Variants in ZNF521 observed in about 807,000 individuals in gnomAD.
ZNF521 encodes the protein zinc finger protein 521.
Under a neutral mutation model 105.5 loss-of-function variants are expected in ZNF521, and 14 were observed. The observed-to-expected ratio is 0.13, with a 90% CI of 0.09 to 0.21. ZNF521 has a LOEUF of 0.21. ZNF521 is among the 10% of genes least tolerant of loss of function. The probability of loss-of-function intolerance (pLI) is 1.00; values close to 1 mark genes in which losing one functional copy is unlikely to be tolerated. For missense variants in ZNF521, 1,233 were observed against 1,629.7 expected, an observed-to-expected ratio of 0.76 and a Z score of 4.19; for synonymous variants, 635 against 606.0, an observed-to-expected ratio of 1.05 and a Z score of -0.70.
chr18:25,102,567 C>T (rs1217320153), intron 5 of ZNF521, among the ~76,000 whole-genome samples: 2 of 151,726 alleles, frequency 1.3e-5, no homozygotes, highest in African/African-American at 2.4e-5. Context: ...TGCTCTGTTG[C>T]CCAGGCTAGA....
intron 7 of ZNF521, among the ~76,000 whole-genome samples, chr18:25,079,781 G>C (rs946813239): frequency 1.3e-5 from 2 of 152,160 alleles, no homozygotes; most frequent in African/African-American, 2.4e-5. Flanking sequence ...GTATGGGAGT[G>C]AAGTCTTGGT....
At chr18:25,141,492 G>A (rs527355210) in intron 5 of ZNF521, among the ~76,000 whole-genome samples, 2 of 152,176 alleles carry the variant, frequency 1.3e-5, no homozygotes, top group Non-Finnish European at 2.9e-5. Flanking sequence ...TGGTTCTAGA[G>A]TTCCCTTAGT....
Position 25,290,720 on chromosome 18 carries a change from C to T in ZNF521, c.220+31288G>A, listed in dbSNP as rs371899451. Among the ~76,000 whole-genome samples the T allele has an allele frequency of 4.7e-5, 7 of 149,798 alleles. No individual in the cohort carries two copies. The East Asian group carries it at 7.9e-4, about 17-fold the overall frequency. On this transcript the variant is annotated intron_variant, in intron 3 of 7. Transcript: ENST00000361524. ...CCACCTCCCGGGTTCAAGCAATTCT[C>T]GTGCCTCAGCCTCCTGAGTAGCTGG... is the stretch of plus-strand genomic sequence containing the variant.
At chr18:25,266,001 T>G (rs933130023) in intron 3 of ZNF521, among the ~76,000 whole-genome samples, 3 of 152,086 alleles carry the variant, frequency 2.0e-5, no homozygotes, top group Admixed American at 6.5e-5. Context: ...ATTGAACTCA[T>G]GAATACAGTG....
At chr18:25,216,032 G>A (rs967522709) in intron 4 of ZNF521, among the ~76,000 whole-genome samples, 32 of 152,152 alleles carry the variant, frequency 2.1e-4, no homozygotes, top group African/African-American at 7.2e-4. Flanking sequence ...TCTCTTTAGA[G>A]GGAGTTTAAC....
At chr18:25,080,566 A>G (rs2033471860) in intron 7 of ZNF521, among the ~76,000 whole-genome samples, 1 of 152,258 alleles carries the variant, frequency 6.6e-6, no homozygotes, top group Non-Finnish European at 1.5e-5. Flanking sequence ...GATCAAGAGC[A>G]GCCTATCAAT....
At chr18:25,126,017 C>T (rs891657426) in intron 5 of ZNF521, among the ~76,000 whole-genome samples, 8 of 151,984 alleles carry the variant, frequency 5.3e-5, no homozygotes, top group East Asian at 1.9e-4. Context: ...TGCCTTTATA[C>T]AGTTTTTAGT....
At chr18:25,281,984 C>G (rs1910410188) in intron 3 of ZNF521, among the ~76,000 whole-genome samples, 2 of 151,786 alleles carry the variant, frequency 1.3e-5, no homozygotes, top group Admixed American at 1.3e-4. Context: ...GCCTTTTGTT[C>G]AAAATAGGAT....
intron 5 of ZNF521, among the ~76,000 whole-genome samples, chr18:25,112,547 T>A (rs1420585225): frequency 6.6e-6 from 1 of 152,184 alleles, no homozygotes; most frequent in Non-Finnish European, 1.5e-5. Flanking sequence ...ATTGTGGCAA[T>A]TTAATAATAA....
intron 5 of ZNF521, among the ~76,000 whole-genome samples, chr18:25,148,206 C>A (rs1002968662): frequency 6.6e-6 from 1 of 152,174 alleles, no homozygotes; most frequent in African/African-American, 2.4e-5. Flanking sequence ...GGATTAAACA[C>A]TTGATTCAAT....
chr18:25,162,194 G>A (rs568794839), intron 5 of ZNF521, among the ~76,000 whole-genome samples: 5 of 152,114 alleles, frequency 3.3e-5, no homozygotes, highest in African/African-American at 1.2e-4. Context: ...GTTACAAATA[G>A]TCGTTTCAAT....
chr18:25,133,783 C>G (rs1054733620), intron 5 of ZNF521, among the ~76,000 whole-genome samples: 2 of 151,842 alleles, frequency 1.3e-5, no homozygotes, highest in Admixed American at 6.6e-5. Context: ...TTTCAACATT[C>G]TATTACTTAG....
chr18:25,289,434 A>G (rs149299551), intron 3 of ZNF521, among the ~76,000 whole-genome samples: 44 of 152,280 alleles, frequency 2.9e-4, no homozygotes, highest in African/African-American at 9.6e-4. Context: ...AAGAGGCATC[A>G]ATGAGGAAGG....
chr18:25,248,744 C>A (rs1907906985), intron 3 of ZNF521, among the ~76,000 whole-genome samples: 1 of 152,190 alleles, frequency 6.6e-6, no homozygotes, highest in South Asian at 2.1e-4. Context: ...TTCTGTCAGA[C>A]AGGGATACAA....
chr18:25,225,645 T>C lies in ZNF521; in HGVS notation c.2273A>G (p.Asn758Ser). The change falls in exon 4 of 8, where the codon AAC (asparagine) becomes AGC (serine). Residue 758 changes from asparagine to serine, a missense_variant. Asn to Ser is a conservative substitution (Grantham distance 46, BLOSUM62 1). Around this residue, in one of 6 missense-constraint regions of ZNF521, gnomAD observed 614 missense variants for 751.5 expected, o/e 0.82. Transcript: ENST00000361524. This position sits in a 1 kb window ranked among gnomAD's most constrained non-coding sequence, Gnocchi z 5.6. ...EKKVYRCTSC[N>S]WDFRNETDLQ... ...GTCAGTTTCGTTGCGGAAGTCCCAG[T>C]TGCAAGATGTGCACCTATAGACTTT... The C allele has an allele frequency of 6.2e-7, 1 of 1,614,204 alleles. No homozygotes were observed. The highest frequency in any genetic ancestry group is 8.5e-7 in the Non-Finnish European group (1 of 1,180,028).
intron 4 of ZNF521, among the ~76,000 whole-genome samples, chr18:25,207,293 G>A (rs1242594622): frequency 6.6e-6 from 1 of 152,022 alleles, no homozygotes; most frequent in Non-Finnish European, 1.5e-5. Context: ...AGACTGCCAT[G>A]AAAACATCCA....
At position 25,174,099 on chromosome 18, in the gene ZNF521, T is replaced by C. The variant is rs116662571; in HGVS notation, c.3658+21061A>G. Among the ~76,000 whole-genome samples, 1,163 of 152,292 alleles carry C rather than the reference T, an allele frequency of 7.6e-3. 18 individuals carry two copies. Among genetic ancestry groups the C allele is most frequent in the African/African-American group, 0.026 (1,100 of 41,548 alleles). On this transcript the variant is annotated intron_variant, in intron 5 of 7. Coordinates refer to ENST00000361524, the MANE Select transcript of ZNF521 (RefSeq NM_015461.3). The stretch of plus-strand genomic sequence containing the variant: ...ATTCTTTTTTTTAAATGAAACAACA[T>C]CACTATTATTGCATCGATCAATTTG...
chr18:25,349,169 A>C (rs1318952155), intron 2 of ZNF521, among the ~76,000 whole-genome samples: 1 of 152,050 alleles, frequency 6.6e-6, no homozygotes. Context: ...TTCAACTCGG[A>C]AAGTTCTTCT....
chr18:25,256,604 C>A lies in ZNF521; in HGVS notation c.221-28907G>T, dbSNP rs78620541. On this transcript the variant is annotated intron_variant, in intron 3 of 7. Transcript: ENST00000361524. Reference sequence around the variant, plus strand: ...GAAGTAGAGTTTCTGACTCTACGCTCAAGACTTTAAGGCTTGAAAAGAGGC... The same window carrying A: ...GAAGTAGAGTTTCTGACTCTACGCTAAAGACTTTAAGGCTTGAAAAGAGGC... Among the ~76,000 whole-genome samples, 1,468 of 152,112 alleles carry A rather than the reference C, an allele frequency of 9.7e-3. 24 individuals carry two copies. The highest frequency in any genetic ancestry group is 0.033 in the African/African-American group (1,365 of 41,490).
Sources: gnomAD v4.1 joint callset for allele counts (sites outside exome capture counted in the v4.1 genomes callset) on GRCh38, gnomAD v4.1.1 for gene constraint, gnomAD v4.1.1 regional missense constraint, Gnocchi (gnomAD v3.1) non-coding constraint, MANE v1.5 for transcripts, NCBI Gene and HGNC (gene_info 2026-07-23, HGNC 2026-07-21) for gene names.